HDAC9: variants seen among roughly 807,000 people sequenced by gnomAD.
The protein encoded by HDAC9 is histone deacetylase 9.
Under a neutral mutation model 139.4 loss-of-function variants are expected in HDAC9, and 41 were observed. The observed-to-expected ratio is 0.29, with a 90% CI of 0.23 to 0.38. The LOEUF (loss-of-function observed/expected upper bound fraction) is 0.38. Ranked by LOEUF, HDAC9 falls within the 10% of genes least tolerant of loss-of-function variation. The pLI, the probability that HDAC9 is intolerant of heterozygous loss-of-function variation, is 1.00. For synonymous variants in HDAC9, 517 were observed against 476.2 expected (o/e 1.09, Z -1.12); for missense variants, 1,147 against 1,297.0 (o/e 0.88, Z 1.78).
At chr7:18,687,941 T>C (rs1421266027) in intron 12 of HDAC9, among the ~76,000 whole-genome samples, 1 of 151,842 alleles carries the variant, frequency 6.6e-6, no homozygotes, top group African/African-American at 2.4e-5. Flanking sequence ...CTTTTTACTT[T>C]ATAGAATTTT....
At chr7:18,369,312 A>G (rs1784418730) in intron 1 of HDAC9, among the ~76,000 whole-genome samples, 1 of 152,110 alleles carries the variant, frequency 6.6e-6, no homozygotes, top group Non-Finnish European at 1.5e-5. Flanking sequence ...GTGACCTCAA[A>G]TTCAAGAAAA....
chr7:18,307,097 TTGTG>T (rs56020648), intron 1 of HDAC9, among the ~76,000 whole-genome samples: 34,789 of 134,306 alleles, frequency 0.26, 4,167 homozygotes, highest in East Asian at 0.39. Context: ...AGGGCAGTTC[TTGTG>T]TGTGTGTGTG....
intron 13 of HDAC9, among the ~76,000 whole-genome samples, chr7:18,734,653 C>T (rs1466227727): frequency 1.3e-5 from 2 of 152,168 alleles, no homozygotes; most frequent in Non-Finnish European, 2.9e-5. Context: ...ACATTTGAGT[C>T]GATTCCAGGT....
intron 2 of HDAC9, among the ~76,000 whole-genome samples, chr7:18,532,136 G>C (rs1481982598): frequency 1.3e-5 from 2 of 152,272 alleles, no homozygotes; most frequent in Middle Eastern, 3.4e-3. Context: ...TGTAGTCCCA[G>C]CTACTTGGGA....
At position 18,964,361 on chromosome 7, in the gene HDAC9, G is replaced by T. The variant is rs538790682; in HGVS notation, c.3022+10131G>T. Among the ~76,000 whole-genome samples the T allele has an allele frequency of 1.7e-4, 26 of 152,146 alleles. No individual in the cohort carries two copies. The South Asian group carries it at 5.0e-3, about 29-fold the overall frequency. ...ACCTTCTGATTATCAGTTAAGATCA[G>T]ATTTTTTTTTAATTTCATAGAATGC... On this transcript the variant is annotated intron_variant, in intron 24 of 25. Transcript: ENST00000686413.
At chr7:18,305,070 G>C (rs1798819842) in intron 1 of HDAC9, among the ~76,000 whole-genome samples, 1 of 152,022 alleles carries the variant, frequency 6.6e-6, no homozygotes, top group Non-Finnish European at 1.5e-5. Context: ...CTTCCTTCAG[G>C]GCAGGAAGAC....
chr7:18,461,161 G>A (rs576667206), intron 1 of HDAC9, among the ~76,000 whole-genome samples: 91 of 152,104 alleles, frequency 6.0e-4, no homozygotes, highest in African/African-American at 1.9e-3. Flanking sequence ...TCAGACATAC[G>A]CAGACTTTTC....
At chr7:18,649,384 C>T (rs28726229) in intron 11 of HDAC9, among the ~76,000 whole-genome samples, 20 of 152,080 alleles carry the variant, frequency 1.3e-4, no homozygotes, top group African/African-American at 4.1e-4. Flanking sequence ...AGTTTTTCCA[C>T]TACTTTTTGC....
chr7:18,584,910 A>G (rs1014174537), intron 2 of HDAC9, among the ~76,000 whole-genome samples: 4 of 144,264 alleles, frequency 2.8e-5, no homozygotes, highest in Admixed American at 7.3e-5. Context: ...CTCTTAGGGC[A>G]TCTTTTCCTC....
chr7:18,497,119 C>T (rs1175396652), intron 2 of HDAC9, among the ~76,000 whole-genome samples: 2 of 152,158 alleles, frequency 1.3e-5, no homozygotes, highest in Non-Finnish European at 2.9e-5. Flanking sequence ...ACTCTCCAGG[C>T]AGTATCACTT....
At chr7:18,372,664 C>T (rs1784684183) in intron 1 of HDAC9, among the ~76,000 whole-genome samples, 1 of 152,110 alleles carries the variant, frequency 6.6e-6, no homozygotes, top group Admixed American at 6.5e-5. Context: ...GACAGTGTCC[C>T]TAGGATTATA....
intron 17 of HDAC9, among the ~76,000 whole-genome samples, chr7:18,798,631 C>A (rs926805761): frequency 2.0e-5 from 3 of 152,152 alleles, no homozygotes; most frequent in Admixed American, 6.6e-5. Flanking sequence ...TGCTTCCCTG[C>A]ATAACTTACT....
chr7:18,535,336 T>C (rs963643633), intron 2 of HDAC9, among the ~76,000 whole-genome samples: 6 of 152,056 alleles, frequency 3.9e-5, no homozygotes, highest in Non-Finnish European at 1.5e-5. Flanking sequence ...TAAATATTAT[T>C]GTTGATGTTC....
chr7:18,360,863 A>G (rs866567957), intron 1 of HDAC9, among the ~76,000 whole-genome samples: 3 of 152,178 alleles, frequency 2.0e-5, no homozygotes, highest in Non-Finnish European at 4.4e-5. Flanking sequence ...ATTGATTTTC[A>G]TACTAGACAA....
At chr7:18,862,988 T>C (rs1798227797) in intron 21 of HDAC9, among the ~76,000 whole-genome samples, 1 of 152,222 alleles carries the variant, frequency 6.6e-6, no homozygotes, top group Admixed American at 6.5e-5. Flanking sequence ...AAAAATGAAT[T>C]AAATGAGCAT....
chr7:18,921,008 G>T (rs1001969692), intron 22 of HDAC9, among the ~76,000 whole-genome samples: 5 of 152,066 alleles, frequency 3.3e-5, no homozygotes, highest in African/African-American at 1.2e-4. Flanking sequence ...AATAAATGGT[G>T]CTGGGAAAAC....
At chr7:18,205,866 G>A (rs1336235560) in intron 2 of HDAC9, among the ~76,000 whole-genome samples, 1 of 151,834 alleles carries the variant, frequency 6.6e-6, no homozygotes, top group Admixed American at 6.6e-5. Flanking sequence ...CTATATTTTG[G>A]GTTTACCATT....
intron 1 of HDAC9, among the ~76,000 whole-genome samples, chr7:18,343,475 A>G (rs912840882): frequency 6.6e-6 from 1 of 151,892 alleles, no homozygotes; most frequent in African/African-American, 2.4e-5. Context: ...CAGATTATCT[A>G]CAGAAAATGT....
At chr7:18,920,238 T>C (rs2129295711) in intron 22 of HDAC9, among the ~76,000 whole-genome samples, 1 of 152,248 alleles carries the variant, frequency 6.6e-6, no homozygotes, top group Admixed American at 6.5e-5. Context: ...GATTCCTAGG[T>C]GTTTTATTCT....
Sources: allele counts gnomAD v4.1 joint callset (sites outside exome capture counted in the v4.1 genomes callset), GRCh38; gene constraint gnomAD v4.1.1; transcripts MANE v1.5; gene names NCBI Gene and HGNC (gene_info 2026-07-23, HGNC 2026-07-21).